Variants in NKAIN2 observed in about 807,000 individuals in gnomAD.
NKAIN2 encodes the protein sodium/potassium-transporting ATPase subunit beta-1-interacting protein 2.
In NKAIN2, 14 loss-of-function variants were observed where a neutral mutation model predicts 32.6. The observed-to-expected ratio is 0.43, with a 90% confidence interval of 0.28 to 0.67. The LOEUF (loss-of-function observed/expected upper bound fraction) is 0.67. Among genes scored for constraint, NKAIN2 ranks in the 30% least tolerant of loss-of-function variants. NKAIN2 has a pLI of 0.17. For missense variants in NKAIN2, 198 were observed against 258.3 expected (o/e 0.77, Z 1.60); for synonymous variants, 80 against 87.2 (o/e 0.92, Z 0.46).
chr6:124,180,303 C>G (rs747044710), intron 1 of NKAIN2, among the ~76,000 whole-genome samples: 1 of 152,128 alleles, frequency 6.6e-6, no homozygotes, highest in Admixed American at 6.5e-5. Flanking sequence ...TGGTGAAAGG[C>G]AGGCAAAGGA....
intron 1 of NKAIN2, among the ~76,000 whole-genome samples, chr6:124,197,902 C>G (rs1388123308): frequency 1.4e-5 from 2 of 144,278 alleles, no homozygotes; most frequent in Non-Finnish European, 3.0e-5. Context: ...TTTTTATTAC[C>G]AACAGCATTC....
rs527588416 is a variant in NKAIN2 at position 123,913,071 on chromosome 6, A to G, written c.54+108817A>G. On this transcript the variant is annotated intron_variant, in intron 1 of 6. Coordinates refer to ENST00000368417, the MANE Select transcript of NKAIN2 (RefSeq NM_001040214.3). ...AGTGCAGGCCAATATGCGTAGGTCA[A>G]TACCCAATCATGATGGTTAATTTCA... Among the ~76,000 whole-genome samples the G allele has an allele frequency of 1.1e-3, 171 of 152,340 alleles. 1 individual carries two copies. The highest frequency in any genetic ancestry group is 1.9e-3 in the Non-Finnish European group (132 of 68,026).
At chr6:124,222,252 G>A (rs140508137) in intron 1 of NKAIN2, among the ~76,000 whole-genome samples, 7 of 152,258 alleles carry the variant, frequency 4.6e-5, no homozygotes, top group Non-Finnish European at 7.4e-5. Flanking sequence ...AAGAAATGTT[G>A]TTGCCCTCAC....
At chr6:124,212,949 T>C (rs1163702150) in intron 1 of NKAIN2, among the ~76,000 whole-genome samples, 3 of 152,236 alleles carry the variant, frequency 2.0e-5, no homozygotes, top group East Asian at 3.9e-4. Flanking sequence ...GAAACACTCA[T>C]GATGTAAATT....
chr6:124,178,755 T>C (rs1789291362), intron 1 of NKAIN2, among the ~76,000 whole-genome samples: 1 of 152,232 alleles, frequency 6.6e-6, no homozygotes, highest in Non-Finnish European at 1.5e-5. Context: ...TATTCATACC[T>C]GGGCAATTTG....
At chr6:124,215,777 G>C (rs939974818) in intron 1 of NKAIN2, among the ~76,000 whole-genome samples, 14 of 152,100 alleles carry the variant, frequency 9.2e-5, no homozygotes, top group Admixed American at 7.9e-4. Flanking sequence ...AATCAGCTAA[G>C]AATACATGAG....
chr6:124,719,078 TAAAAGAAA>T (rs1181212216), intron 4 of NKAIN2, among the ~76,000 whole-genome samples: 1 of 152,152 alleles, frequency 6.6e-6, no homozygotes, highest in Non-Finnish European at 1.5e-5. Context: ...TTTATTGATA[TAAAAGAAA>T]AAAGGAAAAA....
rs190614566 is a variant in NKAIN2, at chr6:123,883,361, G to T, written c.54+79107G>T. On this transcript the variant is annotated intron_variant, in intron 1 of 6. Transcript: ENST00000368417. ...AGGGTTTCACCGTGTTAGCCAGGAT[G>T]GTCTCGATCTCCTGACCTCGTGATT... is the stretch of plus-strand genomic sequence containing the variant. Among the ~76,000 whole-genome samples the T allele has an allele frequency of 7.4e-4, 112 of 152,178 alleles. 1 individual carries two copies. The highest frequency in any genetic ancestry group is 3.4e-3 in the Middle Eastern group (1 of 294).
chr6:124,220,472 G>A (rs974373521), intron 1 of NKAIN2, among the ~76,000 whole-genome samples: 3 of 150,528 alleles, frequency 2.0e-5, no homozygotes, highest in African/African-American at 4.9e-5. Context: ...TTTTTTTGGG[G>A]CCATTTAAGT....
At chr6:124,572,958 G>A (rs954746486) in intron 3 of NKAIN2, among the ~76,000 whole-genome samples, 2 of 151,950 alleles carry the variant, frequency 1.3e-5, no homozygotes, top group African/African-American at 4.8e-5. Context: ...TCATGCCTCA[G>A]CCTCCCAAGT....
At chr6:124,529,336 C>G (rs964741456) in intron 3 of NKAIN2, among the ~76,000 whole-genome samples, 2 of 152,150 alleles carry the variant, frequency 1.3e-5, no homozygotes, top group East Asian at 3.9e-4. Context: ...CCAAGACTTC[C>G]CTTCTCTTTC....
At chr6:124,343,516 T>C (rs530538818) in intron 2 of NKAIN2, among the ~76,000 whole-genome samples, 1,749 of 151,948 alleles carry the variant, frequency 0.012, 36 homozygotes, top group African/African-American at 0.038. Context: ...TTTTAATGAT[T>C]GCCATTCTAA....
intron 3 of NKAIN2, chr6:124,490,345 T>A (rs1450093603): frequency 2.3e-6 from 1 of 437,710 alleles, no homozygotes. Flanking sequence ...CTAGATGGAA[T>A]TACATGAATG....
intron 3 of NKAIN2, among the ~76,000 whole-genome samples, chr6:124,452,364 A>G (rs1298342876): frequency 6.6e-6 from 1 of 152,072 alleles, no homozygotes; most frequent in African/African-American, 2.4e-5. Flanking sequence ...ATGTATGACA[A>G]TCAGTCCATT....
At chr6:123,958,736 G>GTA (rs1448095916) in intron 1 of NKAIN2, among the ~76,000 whole-genome samples, 1 of 152,188 alleles carries the variant, frequency 6.6e-6, no homozygotes, top group African/African-American at 2.4e-5. Flanking sequence ...TTGTCTTGAT[G>GTA]TAAGATTCTT....
At chr6:124,071,780 A>G (rs1436117313) in intron 1 of NKAIN2, among the ~76,000 whole-genome samples, 2 of 152,172 alleles carry the variant, frequency 1.3e-5, no homozygotes, top group African/African-American at 2.4e-5. Flanking sequence ...ATGAAATACT[A>G]TCTCACACCA....
chr6:124,216,429 A>G (rs907349511), intron 1 of NKAIN2, among the ~76,000 whole-genome samples: 1 of 152,242 alleles, frequency 6.6e-6, no homozygotes, highest in African/African-American at 2.4e-5. Flanking sequence ...ATTCACAGAC[A>G]TGTGAAAAGC....
chr6:123,999,741 C>T (rs976393098), intron 1 of NKAIN2, among the ~76,000 whole-genome samples: 1 of 152,082 alleles, frequency 6.6e-6, no homozygotes, highest in African/African-American at 2.4e-5. Context: ...CAGGTTGACA[C>T]AGACATTTCC....
At chr6:123,939,014 G>A (rs1413760784) in intron 1 of NKAIN2, among the ~76,000 whole-genome samples, 1 of 151,914 alleles carries the variant, frequency 6.6e-6, no homozygotes, top group Admixed American at 6.6e-5. Flanking sequence ...ATTCTGGGAT[G>A]TCAGGAGACA....
Sources: allele counts gnomAD v4.1 joint callset (sites outside exome capture counted in the v4.1 genomes callset), GRCh38; gene constraint gnomAD v4.1.1; transcripts MANE v1.5; gene names NCBI Gene and HGNC (gene_info 2026-07-23, HGNC 2026-07-21).